PCDHA9: variants seen among roughly 807,000 people sequenced by gnomAD.
PCDHA9 encodes the protein protocadherin alpha 9, also known as protocadherin alpha-9.
Under a neutral mutation model 62.0 loss-of-function variants are expected in PCDHA9, and 62 were observed. The ratio of observed to expected loss-of-function variants is 1.00; its 90% CI spans 0.81 to 1.23. PCDHA9 has a LOEUF of 1.23. Among genes scored for constraint, PCDHA9 ranks in the 50% most tolerant of loss-of-function variants. The probability of loss-of-function intolerance (pLI) is 0.00; values close to 1 mark genes in which losing one functional copy is unlikely to be tolerated. For missense variants in PCDHA9, 1,205 were observed against 1,249.8 expected (o/e 0.96, Z 0.54); for synonymous variants, 557 against 567.6 (o/e 0.98, Z 0.27).
chr5:140,965,236 A>G (rs1374558346), intron 1 of PCDHA9, among the ~76,000 whole-genome samples: 1 of 152,222 alleles, frequency 6.6e-6, no homozygotes, highest in African/African-American at 2.4e-5. Flanking sequence ...GAACCTGGGA[A>G]GAGTGAATAT....
intron 1 of PCDHA9, chr5:140,858,242 C>G (rs1554151322): frequency 6.3e-7 from 1 of 1,596,300 alleles, no homozygotes; most frequent in Non-Finnish European, 8.6e-7. Flanking sequence ...CGCATGTGGG[C>G]CGGTGAAGCC....
intron 1 of PCDHA9, among the ~76,000 whole-genome samples, chr5:140,920,150 G>A (rs2079485713): frequency 6.6e-6 from 1 of 152,244 alleles, no homozygotes; most frequent in South Asian, 2.1e-4. Flanking sequence ...CCAAACCTGG[G>A]AGAAAAACTG....
intron 3 of PCDHA9, among the ~76,000 whole-genome samples, chr5:141,009,383 C>T (rs2098407441): frequency 6.6e-6 from 1 of 152,198 alleles, no homozygotes; most frequent in African/African-American, 2.4e-5. Flanking sequence ...TGATTGAGCA[C>T]AGGAGGTCGA....
rs376607115 is a variant in PCDHA9 at position 141,006,474 on chromosome 5, A to G, written c.2543-3153A>G. Among the ~76,000 whole-genome samples, 193 of 152,188 alleles carry G rather than the reference A, an allele frequency of 1.3e-3. 1 individual carries two copies. The highest frequency in any genetic ancestry group is 4.5e-3 in the African/African-American group (185 of 41,520). ...GAGATCTGCCTGTCTCGGCCTCCCA[A>G]AGTGCTGGGATTACATGTGTGAGCC... On this transcript the variant is annotated intron_variant, in intron 3 of 3. Transcript: ENST00000532602.
chr5:140,977,084 A>C lies in PCDHA9; in HGVS notation c.2395-1865A>C, dbSNP rs545652987. On this transcript the variant is annotated intron_variant, in intron 1 of 3. Coordinates refer to ENST00000532602, the MANE Select transcript of PCDHA9 (RefSeq NM_031857.2). ...TAGAAAATAGCAGCATGACAAATTA[A>C]ATGTGTCATTGGGGAAGTGAGATTG... is the stretch of plus-strand genomic sequence containing the variant. 2.0e-5 allele frequency among the ~76,000 whole-genome samples: 3 copies of C among 152,336 alleles called. No individual in the cohort carries two copies. The East Asian group carries it at 5.8e-4, about 29-fold the overall frequency.
At chr5:140,955,477 C>T (rs1401684156) in intron 1 of PCDHA9, among the ~76,000 whole-genome samples, 2 of 152,128 alleles carry the variant, frequency 1.3e-5, no homozygotes, top group African/African-American at 4.8e-5. Context: ...CTTGGCACCT[C>T]TCCTTCCTGC....
chr5:140,945,000 G>A (rs980802301), intron 1 of PCDHA9, among the ~76,000 whole-genome samples: 3 of 151,862 alleles, frequency 2.0e-5, no homozygotes, highest in African/African-American at 7.3e-5. Context: ...AACGGTTGTG[G>A]GTCATGAATT....
chr5:140,917,378 A>G (rs532934226), intron 1 of PCDHA9, among the ~76,000 whole-genome samples: 4 of 150,894 alleles, frequency 2.7e-5, no homozygotes, highest in South Asian at 2.1e-4. Context: ...CTCCACCTCA[A>G]TAGTCTGATG....
chr5:140,968,232 G>T, intron 1 of PCDHA9: 2 of 1,613,990 alleles, frequency 1.2e-6, no homozygotes, highest in Non-Finnish European at 1.7e-6. Context: ...GTGTTGCTCT[G>T]TACTGTGCAA....
At position 140,857,911 on chromosome 5, in the gene PCDHA9, T is replaced by C. The variant is rs144216608; in HGVS notation, c.2394+7022T>C. On this transcript the variant is annotated intron_variant, in intron 1 of 3. Transcript: ENST00000532602. ...CGGCGGTTGGTGCACGCATCCCGTT[T>C]CGCGTGGGGCTGTACACGGGCGAGA... 4,248 of 1,597,856 alleles carry C rather than the reference T, an allele frequency of 2.7e-3. 342 individuals are homozygous for C. Among genetic ancestry groups the C allele is most frequent in the Middle Eastern group, 0.01 (61 of 5,986 alleles).
chr5:140,937,916 A>T (rs903757303), intron 1 of PCDHA9, among the ~76,000 whole-genome samples: 37 of 152,106 alleles, frequency 2.4e-4, no homozygotes, highest in Non-Finnish European at 1.8e-4. Flanking sequence ...CGTCTCAAAA[A>T]AAAAAAAAAA....
At chr5:140,910,154 G>A (rs575042155) in intron 1 of PCDHA9, among the ~76,000 whole-genome samples, 234 of 152,310 alleles carry the variant, frequency 1.5e-3, no homozygotes, top group African/African-American at 4.9e-3. Flanking sequence ...ATTGATTGAG[G>A]GGAAATTGAT....
At chr5:141,000,415 A>ATT (rs1563651650) in intron 3 of PCDHA9, among the ~76,000 whole-genome samples, 4 of 87,388 alleles carry the variant, frequency 4.6e-5, no homozygotes, top group African/African-American at 1.5e-4. Flanking sequence ...ATATATATAT[A>ATT]TATATATTTT....
At chr5:140,872,840 A>G (rs1297929350) in intron 1 of PCDHA9, among the ~76,000 whole-genome samples, 4 of 152,198 alleles carry the variant, frequency 2.6e-5, no homozygotes, top group African/African-American at 9.6e-5. Context: ...AAAAAATTAA[A>G]TATATTAATG....
rs545893416 is a variant in PCDHA9, at chr5:140,934,382, A to G, written c.2395-44567A>G. On this transcript the variant is annotated intron_variant, in intron 1 of 3. Transcript: ENST00000532602. ...CTGCTTTGACTCCTTCTGTGGTTCT[A>G]TGGTGGCCAGCTTTACCCACCAATG... Among the ~76,000 whole-genome samples the G allele has an allele frequency of 2.0e-3, 310 of 152,264 alleles. 8 individuals are homozygous for G. Among genetic ancestry groups the G allele is most frequent in the South Asian group, 3.9e-3 (19 of 4,830 alleles).
rs370989006 is a variant in PCDHA9, at chr5:141,009,739, C to G, written c.2655C>G (p.Pro885=). The G allele has an allele frequency of 1.2e-6, 2 of 1,614,010 alleles. No homozygotes were observed. Among genetic ancestry groups the G allele is most frequent in the Non-Finnish European group, 8.5e-7 (1 of 1,180,008 alleles). The change falls in exon 4 of 4, where the codon CCC becomes CCG. Residue 885 remains proline (P), a synonymous_variant. Transcript: ENST00000532602. ...AACAATCCGGTCCCGGTGAGTTGCCCGACAAATTCATTATCCCAGGATCTC... is the reference window on the plus strand; with the variant it reads ...AACAATCCGGTCCCGGTGAGTTGCCGGACAAATTCATTATCCCAGGATCTC... The part of the protein sequence containing the change: ...NPKQSGPGEL[P]DKFIIPGSPA...
At chr5:140,941,185 C>CTTTT (rs782102770) in intron 1 of PCDHA9, among the ~76,000 whole-genome samples, 28 of 102,174 alleles carry the variant, frequency 2.7e-4, no homozygotes, top group African/African-American at 6.8e-4. Flanking sequence ...CATCCTGCTT[C>CTTTT]TTTTTTTTTC....
chr5:140,876,370 G>A, intron 1 of PCDHA9: 1 of 1,613,946 alleles, frequency 6.2e-7, no homozygotes, highest in Non-Finnish European at 8.5e-7. Flanking sequence ...TCCAGACACA[G>A]GTGAAATTAG....
At chr5:140,929,530 G>A in intron 1 of PCDHA9, 1 of 636,248 alleles carries the variant, frequency 1.6e-6, no homozygotes, top group Non-Finnish European at 2.3e-6. Flanking sequence ...GTTTATTTTT[G>A]AGAAACAAGG....
Sources: gnomAD v4.1 joint callset for allele counts (sites outside exome capture counted in the v4.1 genomes callset) on GRCh38, gnomAD v4.1.1 for gene constraint, MANE v1.5 for transcripts, NCBI Gene and HGNC (gene_info 2026-07-23, HGNC 2026-07-21) for gene names.